STIM1: variants seen among roughly 807,000 people sequenced by gnomAD.
STIM1 encodes stromal interaction molecule 1.
STIM1 carries 25 observed loss-of-function variants against 74.7 expected under a neutral mutation model. That is an observed-to-expected ratio of 0.33 (90% CI 0.24 to 0.47). The LOEUF is 0.47. Ranked by LOEUF, STIM1 falls within the 20% of genes least tolerant of loss-of-function variation. STIM1 has a pLI of 1.00. For missense variants in STIM1, 728 were observed against 920.8 expected (o/e 0.79, Z 2.71); for synonymous variants, 328 against 348.8 (o/e 0.94, Z 0.66).
chr11:3,882,847 A>G (rs2091567842), intron 1 of STIM1, among the ~76,000 whole-genome samples: 1 of 152,208 alleles, frequency 6.6e-6, no homozygotes, highest in Non-Finnish European at 1.5e-5. Flanking sequence ...TCTTGTGGAT[A>G]TGAAATAGTG....
chr11:3,968,936 G>T (rs565852239), intron 2 of STIM1, among the ~76,000 whole-genome samples: 4 of 152,202 alleles, frequency 2.6e-5, no homozygotes, highest in Non-Finnish European at 5.9e-5. Flanking sequence ...CCTTAGAAAG[G>T]TTAAGCATTT....
At chr11:3,991,974 A>AAAAAAG (rs2093617257) in intron 2 of STIM1, among the ~76,000 whole-genome samples, 77 of 44,466 alleles carry the variant, frequency 1.7e-3, no homozygotes, top group Middle Eastern at 0.022. Flanking sequence ...AAAAAAAAAG[A>AAAAAAG]AAAAAAAAAA....
chr11:3,872,245 G>T (rs935665224), intron 1 of STIM1, among the ~76,000 whole-genome samples: 6 of 151,946 alleles, frequency 3.9e-5, no homozygotes, highest in South Asian at 2.1e-4. Flanking sequence ...TAGAGACAGG[G>T]TTTCACCATG....
intron 2 of STIM1, among the ~76,000 whole-genome samples, chr11:4,017,704 T>C (rs2093911600): frequency 6.6e-6 from 1 of 152,118 alleles, no homozygotes; most frequent in African/African-American, 2.4e-5. Flanking sequence ...CAAAGAAGGG[T>C]ATATCTTGAA....
Position 4,038,449 on chromosome 11 carries a change from A to G in STIM1, c.385+14462A>G, listed in dbSNP as rs575680067. ...AAAAAAAAGAAGCTTCCAGTAGTGT[A>G]TTTTCATTTCCCTCTCTCAAGCTTA... On this transcript the variant is annotated intron_variant, in intron 3 of 12. Transcript: ENST00000526596. 2.6e-5 allele frequency among the ~76,000 whole-genome samples: 4 copies of G among 152,126 alleles called. No homozygotes were observed. In the South Asian group the frequency reaches 8.3e-4, roughly 32 times the overall value.
chr11:3,976,559 A>C (rs2093450185), intron 2 of STIM1, among the ~76,000 whole-genome samples: 1 of 152,250 alleles, frequency 6.6e-6, no homozygotes, highest in African/African-American at 2.4e-5. Context: ...ATTTTTTTAA[A>C]GTTCCCAGCA....
At chr11:4,005,474 G>A (rs377428272) in intron 2 of STIM1, among the ~76,000 whole-genome samples, 2 of 150,274 alleles carry the variant, frequency 1.3e-5, no homozygotes, top group East Asian at 2.0e-4. Flanking sequence ...GTAAACTATC[G>A]CAAGGACAAA....
intron 2 of STIM1, among the ~76,000 whole-genome samples, chr11:3,976,740 T>A (rs2093451474): frequency 2.0e-5 from 3 of 152,126 alleles, no homozygotes; most frequent in Admixed American, 2.0e-4. Flanking sequence ...GAAATCCTCC[T>A]GCCTCAGCCT....
intron 5 of STIM1, among the ~76,000 whole-genome samples, chr11:4,061,791 A>G (rs2094332780): frequency 6.6e-6 from 1 of 152,256 alleles, no homozygotes; most frequent in African/African-American, 2.4e-5. Flanking sequence ...GCAATGGAAT[A>G]TTATTCACCT....
intron 1 of STIM1, among the ~76,000 whole-genome samples, chr11:3,907,880 C>T (rs2092492608): frequency 6.6e-6 from 1 of 152,216 alleles, no homozygotes; most frequent in Non-Finnish European, 1.5e-5. Flanking sequence ...TTCCTTCTTA[C>T]TCTAACTTTC....
chr11:3,875,286 C>A (rs906008758), intron 1 of STIM1, among the ~76,000 whole-genome samples: 19 of 152,182 alleles, frequency 1.2e-4, no homozygotes, highest in African/African-American at 4.3e-4. Flanking sequence ...CAAAGGCAAA[C>A]ACATGTAAAG....
chr11:3,880,860 T>A (rs2091473565), intron 1 of STIM1, among the ~76,000 whole-genome samples: 1 of 152,042 alleles, frequency 6.6e-6, no homozygotes, highest in Non-Finnish European at 1.5e-5. Flanking sequence ...GACCAATACA[T>A]CCTATTTAAA....
chr11:3,980,043 A>G (rs1000975392), intron 2 of STIM1, among the ~76,000 whole-genome samples: 2 of 152,154 alleles, frequency 1.3e-5, no homozygotes, highest in Non-Finnish European at 2.9e-5. Context: ...TCGATTTAGC[A>G]CTTAATTAGA....
At chr11:3,861,079 G>A (rs1323351636) in intron 1 of STIM1, among the ~76,000 whole-genome samples, 1 of 152,062 alleles carries the variant, frequency 6.6e-6, no homozygotes, top group Non-Finnish European at 1.5e-5. Flanking sequence ...GTCTGACTTG[G>A]GGAGGTTGGA....
chr11:4,003,620 A>G (rs904516487), intron 2 of STIM1, among the ~76,000 whole-genome samples: 25 of 152,316 alleles, frequency 1.6e-4, no homozygotes, highest in African/African-American at 3.8e-4. Flanking sequence ...TGACAGACCC[A>G]CAGCCAATAT....
chr11:4,032,411 A>G (rs150144533), intron 3 of STIM1, among the ~76,000 whole-genome samples: 38 of 152,352 alleles, frequency 2.5e-4, no homozygotes, highest in African/African-American at 8.4e-4. Context: ...GTCTGTCTTT[A>G]TGCCAGTACC....
chr11:4,007,763 A>C (rs1224242386), intron 2 of STIM1, among the ~76,000 whole-genome samples: 2 of 152,184 alleles, frequency 1.3e-5, no homozygotes, highest in African/African-American at 4.8e-5. Context: ...TGTGCCCCTG[A>C]AGGGTCAGAG....
At chr11:3,888,639 G>C (rs932205437) in intron 1 of STIM1, among the ~76,000 whole-genome samples, 1 of 152,074 alleles carries the variant, frequency 6.6e-6, no homozygotes, top group Non-Finnish European at 1.5e-5. Flanking sequence ...CCAGATTCAA[G>C]GGATTTTCCT....
chr11:4,085,075 C>T (rs1399475717), intron 11 of STIM1, among the ~76,000 whole-genome samples: 1 of 151,920 alleles, frequency 6.6e-6, no homozygotes, highest in East Asian at 1.9e-4. Flanking sequence ...GACAAATGAC[C>T]CCTTTCTTTT....
Sources: gnomAD v4.1 joint callset for allele counts (sites outside exome capture counted in the v4.1 genomes callset) on GRCh38, gnomAD v4.1.1 for gene constraint, MANE v1.5 for transcripts, NCBI Gene and HGNC (gene_info 2026-07-23, HGNC 2026-07-21) for gene names.